MPV17L: variants seen among roughly 807,000 people sequenced by gnomAD.
The protein encoded by MPV17L is mpv17-like protein.
In MPV17L, 24 loss-of-function variants were observed where a neutral mutation model predicts 25.8. That is an observed-to-expected ratio of 0.93 (90% CI 0.67 to 1.31). MPV17L has a LOEUF of 1.31. Ranked by LOEUF, MPV17L falls within the 50% of genes most tolerant of loss-of-function variation. The pLI, the probability that MPV17L is intolerant of heterozygous loss-of-function variation, is 0.00. For synonymous variants in MPV17L, 102 were observed against 115.3 expected (o/e 0.88, Z 0.74); for missense variants, 250 against 265.6 (o/e 0.94, Z 0.41).
At position 15,413,112 on chromosome 16, in the gene MPV17L, CT is replaced by C. The variant is rs1183196273; in HGVS notation, c.*5003del. On this transcript the variant is annotated 3_prime_UTR_variant, in exon 4 of 4. Transcript: ENST00000396385. ...GCTTAACAATATATTCTGGAGGCAG[CT>C]TTCATTTGAAATTAGGTTCATCTTC... 2.0e-5 allele frequency: 3 copies of C among 152,090 alleles called. No homozygotes were observed. Among genetic ancestry groups the C allele is most frequent in the African/African-American group, 7.2e-5 (3 of 41,420 alleles). 9.4% of individuals were successfully genotyped at this position (152,090 alleles called of 1,614,324 possible).
chr16:15,396,004 A>G lies in MPV17L; in HGVS notation c.107A>G (p.Gln36Arg). The G allele has an allele frequency of 1.3e-6, 2 of 1,520,720 alleles. No homozygotes were observed. The allele number at this position is 1,520,720 out of a possible 1,614,324, so 94.2% of individuals were successfully genotyped here. ...GTCTCGGCCGGGGACGCGCTGCAAC[A>G]GCGGCTGCAGGGCCGCGAGGCCAAC... is the stretch of plus-strand genomic sequence containing the variant. ...SLVSAGDALQ[Q>R]RLQGREANWR... The change falls in exon 1 of 4, where the codon CAG becomes CGG. Residue 36 changes from glutamine (Q) to arginine (R), a missense_variant. Physicochemically the swap from Gln to Arg is conservative, Grantham distance 43. Transcript: ENST00000396385.
Position 15,410,063 on chromosome 16 carries a change from G to T in MPV17L, c.*1951G>T, listed in dbSNP as rs918947821. 2.0e-5 allele frequency: 3 copies of T among 152,024 alleles called. No individual in the cohort carries two copies. The highest frequency in any genetic ancestry group is 7.2e-5 in the African/African-American group (3 of 41,380). The allele number at this position is 152,024 out of a possible 1,614,324, so 9.4% of individuals were successfully genotyped here. ...TTAAGATAAATATTTATACTTTAAG[G>T]TAAACATGAGAAACTTGATCTAATA... On this transcript the variant is annotated 3_prime_UTR_variant, in exon 4 of 4. Transcript: ENST00000396385.
intron 2 of MPV17L, among the ~76,000 whole-genome samples, chr16:15,402,979 C>T (rs1258449536): frequency 6.6e-6 from 1 of 152,074 alleles, no homozygotes; most frequent in Non-Finnish European, 1.5e-5. Flanking sequence ...CCATACCCAG[C>T]CACTTCTTCT....
intron 2 of MPV17L, among the ~76,000 whole-genome samples, chr16:15,404,884 G>A (rs1164162845): frequency 6.6e-6 from 1 of 152,150 alleles, no homozygotes; most frequent in East Asian, 1.9e-4. Flanking sequence ...TTGAATGTCA[G>A]ATGCCTTTGG....
intron 2 of MPV17L, among the ~76,000 whole-genome samples, chr16:15,402,048 A>G (rs1217657989): frequency 1.3e-5 from 2 of 152,188 alleles, no homozygotes; most frequent in African/African-American, 2.4e-5. Context: ...TTCAGAGCCA[A>G]TGTTTTCAGG....
chr16:15,397,965 A>G (rs1403210028), intron 1 of MPV17L, among the ~76,000 whole-genome samples: 1 of 152,158 alleles, frequency 6.6e-6, no homozygotes, highest in Admixed American at 6.6e-5. Flanking sequence ...CACCTGTTAC[A>G]GGAACCTGGT....
intron 1 of MPV17L, chr16:15,399,451 G>T (rs1471410320): frequency 2.2e-6 from 1 of 452,122 alleles, no homozygotes; most frequent in Non-Finnish European, 4.4e-6. Flanking sequence ...TATTCCCCAG[G>T]CTGAAGTGCA....
chr16:15,401,665 C>CA (rs940100485), intron 2 of MPV17L, among the ~76,000 whole-genome samples: 2 of 151,892 alleles, frequency 1.3e-5, no homozygotes, highest in African/African-American at 2.4e-5. Flanking sequence ...ACTAAAAATA[C>CA]AAAAAATAGT....
In MPV17L at chr16:15,396,138, GC is replaced by G. The variant is rs1252858602; in HGVS notation, c.244del (p.Leu82CysfsTer24). On this transcript the variant is annotated frameshift_variant, in exon 1 of 4. Transcript: ENST00000396385. LOFTEE classifies it high-confidence loss of function. ...ERALPGRAPH[A>X]LLAKLLCDQV... ...CGCGCTCCCGGGCCGAGCGCCGCAC[GC>G]CCTGCTGGCCAAGTTGCTGTGCGAC... The G allele has an allele frequency of 6.5e-7, 1 of 1,548,212 alleles. No individual in the cohort carries two copies. Among genetic ancestry groups the G allele is most frequent in the Non-Finnish European group, 8.7e-7 (1 of 1,147,154 alleles).
In MPV17L at chr16:15,397,492, C is replaced by T. The variant is rs147179697; in HGVS notation, c.310+1285C>T. On this transcript the variant is annotated intron_variant, in intron 1 of 3. Coordinates refer to ENST00000396385, the MANE Select transcript of MPV17L (RefSeq NM_001128423.2). ...ATTCTTGTCATCTTTGGAGATCCCC[C>T]GTCTGCTCACAGGAGGGGCCCTGTG... is the stretch of plus-strand genomic sequence containing the variant. Among the ~76,000 whole-genome samples the T allele has an allele frequency of 1.4e-3, 213 of 152,184 alleles. 1 individual carries two copies. Among genetic ancestry groups the T allele is most frequent in the Middle Eastern group, 3.4e-3 (1 of 294 alleles).
chr16:15,397,545 G>T (rs2050597968), intron 1 of MPV17L, among the ~76,000 whole-genome samples: 1 of 152,128 alleles, frequency 6.6e-6, no homozygotes, highest in South Asian at 2.1e-4. Flanking sequence ...GATTTCTAGA[G>T]CCTTGAAGGG....
chr16:15,400,932 G>T, intron 2 of MPV17L, 75 bp downstream of exon 2: 1 of 946,370 alleles, frequency 1.1e-6, no homozygotes. Flanking sequence ...AAAAATATAT[G>T]TTTTGTGTTT....
chr16:15,396,009 C>A lies in MPV17L; in HGVS notation c.112C>A (p.Leu38Met). The A allele has an allele frequency of 6.6e-7, 1 of 1,524,704 alleles. No homozygotes were observed. 94.4% of individuals were successfully genotyped at this position (1,524,704 alleles called of 1,614,324 possible). ...VSAGDALQQRLQGREANWRQT... is the reference protein window; with the variant it reads ...VSAGDALQQRMQGREANWRQT... ...GGCCGGGGACGCGCTGCAACAGCGG[C>A]TGCAGGGCCGCGAGGCCAACTGGCG... Residue 38 changes from leucine (L) to methionine (M), a missense_variant, in exon 1 of 4, where the codon CTG becomes ATG. Coordinates refer to ENST00000396385, the MANE Select transcript of MPV17L (RefSeq NM_001128423.2).
At chr16:15,402,976 C>T (rs2050650385) in intron 2 of MPV17L, among the ~76,000 whole-genome samples, 1 of 152,078 alleles carries the variant, frequency 6.6e-6, no homozygotes, top group Non-Finnish European at 1.5e-5. Flanking sequence ...TCACCATACC[C>T]AGCCACTTCT....
rs1344106800 is a variant in MPV17L, at chr16:15,396,116, G to C, written c.219G>C (p.Ala73=). Residue 73 remains alanine (A), a synonymous_variant, in exon 1 of 4, where the codon GCG becomes GCC. Coordinates refer to ENST00000396385, the MANE Select transcript of MPV17L (RefSeq NM_001128423.2). Reference sequence around the variant, plus strand: ...TGTGGCTGCGCCTGCTGGAGCGCGCGCTCCCGGGCCGAGCGCCGCACGCCC... The same window carrying C: ...TGTGGCTGCGCCTGCTGGAGCGCGCCCTCCCGGGCCGAGCGCCGCACGCCC... ...NYVWLRLLER[A]LPGRAPHALL... is the part of the protein sequence containing the mutation. 1 of 1,545,352 alleles carries C rather than the reference G, an allele frequency of 6.5e-7. No individual in the cohort carries two copies. The highest frequency in any genetic ancestry group is 8.7e-7 in the Non-Finnish European group (1 of 1,146,512).
rs946079357 is a variant in MPV17L at position 15,396,078 on chromosome 16, A to G, written c.181A>G (p.Asn61Asp). 1.7e-5 allele frequency: 26 copies of G among 1,545,136 alleles called. No homozygotes were observed. Among genetic ancestry groups the G allele is most frequent in the Non-Finnish European group, 2.2e-5 (25 of 1,148,180 alleles). The change falls in exon 1 of 4, where the codon AAC becomes GAC. Residue 61 changes from asparagine to aspartate, a missense_variant. Asn to Asp is a conservative substitution (Grantham distance 23). Coordinates refer to ENST00000396385, the MANE Select transcript of MPV17L (RefSeq NM_001128423.2). ...VATLVVTFHA[N>D]FNYVWLRLLE... ...CACGTTGGTGGTGACCTTCCACGCC[A>G]ACTTCAACTACGTGTGGCTGCGCCT...
At chr16:15,400,346 CTTTT>C (rs908354383) in intron 1 of MPV17L, among the ~76,000 whole-genome samples, 6 of 125,122 alleles carry the variant, frequency 4.8e-5, no homozygotes, top group East Asian at 2.3e-4. Flanking sequence ...ATTATGTTTT[CTTTT>C]TTTTTTTTTT....
intron 2 of MPV17L, among the ~76,000 whole-genome samples, chr16:15,404,849 T>C (rs1314096897): frequency 6.6e-6 from 1 of 151,838 alleles, no homozygotes; most frequent in Non-Finnish European, 1.5e-5. Flanking sequence ...AAAAAAGAAA[T>C]GAGGTGAGTT....
chr16:15,407,683 G>A (rs1385455877), intron 2 of MPV17L, 141 bp from the exon 3 acceptor site: 20 of 733,874 alleles, frequency 2.7e-5, no homozygotes, highest in African/African-American at 1.4e-4. Flanking sequence ...CAGAGGTTGC[G>A]GTGAGCTAAG....
Sources: gnomAD v4.1 joint callset for allele counts (sites outside exome capture counted in the v4.1 genomes callset) on GRCh38, gnomAD v4.1.1 for gene constraint, MANE v1.5 for transcripts, NCBI Gene and HGNC (gene_info 2026-07-23, HGNC 2026-07-21) for gene names.